TAS2R1: variants seen among roughly 807,000 people sequenced by gnomAD.
TAS2R1 encodes the protein taste receptor type 2 member 1.
For missense variants in TAS2R1, 370 were observed against 353.4 expected, an observed-to-expected ratio of 1.05 and a Z score of -0.38; for synonymous variants, 141 against 134.2, an observed-to-expected ratio of 1.05 and a Z score of -0.35.
At chr5:9,707,608 G>A (rs961216454) in intron 1 of TAS2R1, among the ~76,000 whole-genome samples, 5 of 152,138 alleles carry the variant, frequency 3.3e-5, no homozygotes, top group Admixed American at 6.5e-5. Flanking sequence ...GCTTGAACCC[G>A]GGAAGCAGAG....
the TAS2R1 span, among the ~76,000 whole-genome samples, chr5:9,894,297 G>A: frequency 1.6e-3 from 237 of 152,184 alleles, no homozygotes; most frequent in African/African-American, 4.5e-3. Context: ...CCAGCTACTC[G>A]GGAGGCTGAG....
chr5:9,824,938 A>T, the TAS2R1 span, among the ~76,000 whole-genome samples: 7 of 152,120 alleles, frequency 4.6e-5, no homozygotes, highest in Non-Finnish European at 1.0e-4. Context: ...GCAAACATGG[A>T]CATCTCCTAA....
chr5:9,863,218 T>A, the TAS2R1 span: 2 of 152,174 alleles, frequency 1.3e-5, no homozygotes, highest in African/African-American at 4.8e-5. Flanking sequence ...TTCGCTGACT[T>A]GGTTTGGCCC....
chr5:9,741,318 TC>T, the TAS2R1 span, among the ~76,000 whole-genome samples: 1 of 151,996 alleles, frequency 6.6e-6, no homozygotes, highest in Non-Finnish European at 1.5e-5. Flanking sequence ...TAAGAGATTT[TC>T]TCAAGGCCAA....
At chr5:9,829,406 C>T in the TAS2R1 span, among the ~76,000 whole-genome samples, 1 of 152,112 alleles carries the variant, frequency 6.6e-6, no homozygotes, top group African/African-American at 2.4e-5. Context: ...AGAGACACCC[C>T]ACGGTCATTC....
the TAS2R1 span, among the ~76,000 whole-genome samples, chr5:9,794,290 G>A: frequency 6.6e-6 from 1 of 152,118 alleles, no homozygotes; most frequent in Non-Finnish European, 1.5e-5. Context: ...GAACTTGATT[G>A]ATTTATTATA....
Position 9,658,162 on chromosome 5 carries a change from C to T in TAS2R1, c.-81+1259G>A, listed in dbSNP as rs541845933. On this transcript the variant is annotated intron_variant, in intron 2 of 2. Transcript: ENST00000506620. ...AAGCAATAATAGTAGCTAACACATACAGGGTGCTGACTATTTGCCAGGTAG... is the reference window on the plus strand; with the variant it reads ...AAGCAATAATAGTAGCTAACACATATAGGGTGCTGACTATTTGCCAGGTAG... 2.6e-5 allele frequency among the ~76,000 whole-genome samples: 4 copies of T among 152,202 alleles called. No individual in the cohort carries two copies. The East Asian group carries it at 7.7e-4, about 29-fold the overall frequency.
At chr5:9,821,343 C>T in the TAS2R1 span, among the ~76,000 whole-genome samples, 1 of 152,158 alleles carries the variant, frequency 6.6e-6, no homozygotes, top group Admixed American at 6.5e-5. Flanking sequence ...AAGCACGGGA[C>T]AGGAACAGGT....
At chr5:9,652,332 A>T (rs1023194423) in intron 2 of TAS2R1, among the ~76,000 whole-genome samples, 7 of 152,178 alleles carry the variant, frequency 4.6e-5, no homozygotes, top group Non-Finnish European at 8.8e-5. Context: ...ACAGCTGAAC[A>T]CTTCCCAGGA....
the TAS2R1 span, among the ~76,000 whole-genome samples, chr5:9,786,703 T>C: frequency 6.6e-6 from 1 of 152,172 alleles, no homozygotes; most frequent in Non-Finnish European, 1.5e-5. Flanking sequence ...CCCTAGGAGA[T>C]TTGAGGGGAA....
rs571845968 is a variant in TAS2R1, at chr5:9,700,631, C to G, written c.-242+11541G>C. ...CTAGGACACCCGTAACAAAGTACCA[C>G]AGATGGAGTGGCTTAAATTACAGCA... On this transcript the variant is annotated intron_variant, in intron 1 of 2. Coordinates refer to the TAS2R1 transcript ENST00000506620. Among the ~76,000 whole-genome samples, 3 of 152,284 alleles carry G rather than the reference C, an allele frequency of 2.0e-5. No individual in the cohort carries two copies. The East Asian group carries it at 5.8e-4, about 29-fold the overall frequency.
chr5:9,841,911 A>T, the TAS2R1 span, among the ~76,000 whole-genome samples: 1 of 152,192 alleles, frequency 6.6e-6, no homozygotes, highest in Non-Finnish European at 1.5e-5. Context: ...GCCCCTGTGG[A>T]ATTTGGAGGC....
chr5:9,811,768 A>T, the TAS2R1 span, among the ~76,000 whole-genome samples: 2 of 152,142 alleles, frequency 1.3e-5, no homozygotes, highest in African/African-American at 4.8e-5. Flanking sequence ...TCATGTCCAC[A>T]TCTGTGTGTT....
At chr5:9,668,889 T>C (rs1412354269) in intron 1 of TAS2R1, among the ~76,000 whole-genome samples, 3 of 151,936 alleles carry the variant, frequency 2.0e-5, no homozygotes, top group South Asian at 2.1e-4. Flanking sequence ...AACAACATGA[T>C]GACAGGATCA....
the TAS2R1 span, among the ~76,000 whole-genome samples, chr5:9,829,408 C>T: frequency 3.9e-5 from 6 of 152,044 alleles, no homozygotes; most frequent in Non-Finnish European, 5.9e-5. Flanking sequence ...AGACACCCCA[C>T]GGTCATTCCT....
At position 9,629,426 on chromosome 5, in the gene TAS2R1, T is replaced by C. The variant is rs756487604; in HGVS notation, c.607A>G (p.Arg203Gly). 1 of 1,613,948 alleles carries C rather than the reference T, an allele frequency of 6.2e-7. No homozygotes were observed. The highest frequency in any genetic ancestry group is 2.2e-5 in the East Asian group (1 of 44,850). Residue 203 changes from arginine (R) to glycine (G), a missense_variant, in exon 1 of 1, where the codon AGG (arginine) becomes GGG (glycine). Physicochemically the swap from Arg to Gly is moderately radical, Grantham distance 125. Coordinates refer to ENST00000382492, the MANE Select transcript of TAS2R1 (RefSeq NM_019599.3). ...GTGTTTCTCATTTGCCGGGTGTGCC[T>C]CCCCAGAGAGAAAATCAAGAGCAAA... Reference protein sequence around the residue: ...AVLLLIFSLGRHTRQMRNTVA... With the variant: ...AVLLLIFSLGGHTRQMRNTVA...
At chr5:9,791,627 A>C in the TAS2R1 span, among the ~76,000 whole-genome samples, 1 of 152,160 alleles carries the variant, frequency 6.6e-6, no homozygotes, top group African/African-American at 2.4e-5. Flanking sequence ...TGAACCCAGG[A>C]GGTGGAGGTT....
chr5:9,871,974 T>C, the TAS2R1 span, among the ~76,000 whole-genome samples: 1 of 152,210 alleles, frequency 6.6e-6, no homozygotes, highest in African/African-American at 2.4e-5. Flanking sequence ...AACAAATTGA[T>C]TGCAAATAAT....
the TAS2R1 span, among the ~76,000 whole-genome samples, chr5:9,804,297 G>T: frequency 8.5e-5 from 13 of 152,142 alleles, no homozygotes; most frequent in South Asian, 2.7e-3. Context: ...ATAACAGTGG[G>T]GGACTTTAAT....
Sources: gnomAD v4.1 joint callset for allele counts (sites outside exome capture counted in the v4.1 genomes callset) on GRCh38, gnomAD v4.1.1 for gene constraint, MANE v1.5 for transcripts, NCBI Gene and HGNC (gene_info 2026-07-23, HGNC 2026-07-21) for gene names.